The following TTC27 variants were observed in gnomAD, a reference collection of about 807,000 sequenced individuals.
The protein encoded by TTC27 is tetratricopeptide repeat protein 27.
TTC27 carries 79 observed loss-of-function variants against 115.9 expected under a neutral mutation model. The observed-to-expected ratio is 0.68, with a 90% CI of 0.57 to 0.82. TTC27 has a LOEUF of 0.82. Among genes scored for constraint, TTC27 ranks in the 40% least tolerant of loss-of-function variants. The probability of loss-of-function intolerance (pLI) is 0.00; values close to 1 mark genes in which losing one functional copy is unlikely to be tolerated. For missense variants in TTC27, 1,054 were observed against 993.1 expected (o/e 1.06, Z -0.82); for synonymous variants, 401 against 356.0 (o/e 1.13, Z -1.42).
intron 14 of TTC27, among the ~76,000 whole-genome samples, chr2:32,778,671 C>T (rs1670077336): frequency 6.6e-6 from 1 of 152,154 alleles, no homozygotes; most frequent in African/African-American, 2.4e-5. Context: ...TGCTTCAGTA[C>T]TTTGTTCCTT....
At chr2:32,771,836 T>G (rs931510652) in intron 13 of TTC27, among the ~76,000 whole-genome samples, 3 of 152,224 alleles carry the variant, frequency 2.0e-5, no homozygotes, top group Non-Finnish European at 4.4e-5. Flanking sequence ...ATTCAACAAC[T>G]CATCTGTGTT....
intron 13 of TTC27, among the ~76,000 whole-genome samples, 165 bp downstream of exon 13, chr2:32,758,684 G>A (rs1355694823): frequency 5.3e-5 from 8 of 152,020 alleles, no homozygotes; most frequent in African/African-American, 1.9e-4. Flanking sequence ...AAACTTGCTT[G>A]TTGCAAAAAG....
rs1334425047 is a variant in TTC27, at chr2:32,678,851, T to G, written c.1053-5T>G. 2 of 1,604,028 alleles carry G rather than the reference T, an allele frequency of 1.2e-6. No individual in the cohort carries two copies. Among genetic ancestry groups the G allele is most frequent in the East Asian group, 2.2e-5 (1 of 44,762 alleles). ...ATTAATTTACCTTTTTTTCTTAATT[T>G]AAAGCACTAATTTTCAAAAGAATAA... On this transcript the variant is annotated splice_region_variant and splice_polypyrimidine_tract_variant and intron_variant, in intron 8 of 19. Transcript: ENST00000317907.
At chr2:32,683,153 C>A (rs1572511866) in intron 9 of TTC27, among the ~76,000 whole-genome samples, 1 of 151,930 alleles carries the variant, frequency 6.6e-6, no homozygotes, top group African/African-American at 2.4e-5. Flanking sequence ...CTGCACCAGG[C>A]CAATTTTTGT....
chr2:32,778,020 CT>C, intron 14 of TTC27, 40 bp downstream of exon 14: 1 of 1,589,036 alleles, frequency 6.3e-7, no homozygotes, highest in Non-Finnish European at 8.6e-7. Context: ...TGGCTCTTTA[CT>C]CTCTAAGTTG....
intron 6 of TTC27, among the ~76,000 whole-genome samples, chr2:32,665,190 C>T (rs1665726365): frequency 6.6e-6 from 1 of 152,008 alleles, no homozygotes; most frequent in Non-Finnish European, 1.5e-5. Context: ...CAGTAAAATC[C>T]TTCCAATATA....
chr2:32,755,166 C>A (rs1669180511), intron 12 of TTC27, among the ~76,000 whole-genome samples: 1 of 152,164 alleles, frequency 6.6e-6, no homozygotes, highest in South Asian at 2.1e-4. Flanking sequence ...ACGCTCCTCA[C>A]TTCCCAGACG....
intron 16 of TTC27, among the ~76,000 whole-genome samples, chr2:32,795,829 T>C (rs1352087848): frequency 2.0e-5 from 3 of 151,730 alleles, no homozygotes; most frequent in African/African-American, 7.3e-5. Flanking sequence ...TCCACCCACC[T>C]TGACCTTCCA....
At position 32,667,614 on chromosome 2, in the gene TTC27, C is replaced by T. The variant is rs113834851; in HGVS notation, c.939+846C>T. The stretch of plus-strand genomic sequence containing the variant: ...TATTTTTGGTAGAGACAGGGTTTCT[C>T]CATGTTGGTCAGGCTGGTCTCGAAC... On this transcript the variant is annotated intron_variant, in intron 7 of 19. Transcript: ENST00000317907. Among the ~76,000 whole-genome samples, 1,332 of 151,290 alleles carry T rather than the reference C, an allele frequency of 8.8e-3. 14 individuals carry two copies. Among genetic ancestry groups the T allele is most frequent in the Admixed American group, 0.016 (243 of 15,210 alleles).
At chr2:32,780,365 A>G (rs919412199) in intron 14 of TTC27, among the ~76,000 whole-genome samples, 5 of 152,160 alleles carry the variant, frequency 3.3e-5, no homozygotes, top group Non-Finnish European at 7.4e-5. Flanking sequence ...TGTAAGTTTT[A>G]CACCTCTTTT....
At chr2:32,792,502 T>G (rs191256263) in intron 16 of TTC27, among the ~76,000 whole-genome samples, 139 of 152,198 alleles carry the variant, frequency 9.1e-4, no homozygotes, top group African/African-American at 2.9e-3. Flanking sequence ...TTTTTGGTTT[T>G]TTTTTGAAGG....
intron 12 of TTC27, among the ~76,000 whole-genome samples, chr2:32,745,308 C>T (rs1013622290): frequency 4.6e-5 from 7 of 152,094 alleles, no homozygotes; most frequent in African/African-American, 1.7e-4. Flanking sequence ...CTTTTTAGCT[C>T]TCTCCCTGAG....
chr2:32,773,356 C>A (rs1481537203), intron 13 of TTC27, among the ~76,000 whole-genome samples: 1 of 152,182 alleles, frequency 6.6e-6, no homozygotes, highest in Non-Finnish European at 1.5e-5. Flanking sequence ...TTCTTTTGTC[C>A]ACCTGACTAG....
chr2:32,775,492 C>T (rs541537423), intron 13 of TTC27, among the ~76,000 whole-genome samples: 1 of 152,154 alleles, frequency 6.6e-6, no homozygotes, highest in East Asian at 1.9e-4. Context: ...GCCACTTTGC[C>T]CGGCCACACA....
At chr2:32,779,117 G>A (rs999636715) in intron 14 of TTC27, among the ~76,000 whole-genome samples, 18 of 152,204 alleles carry the variant, frequency 1.2e-4, no homozygotes, top group African/African-American at 4.1e-4. Flanking sequence ...CAGCTACTCA[G>A]GAGGCTGAGG....
At chr2:32,799,166 T>A (rs1207740477) in intron 16 of TTC27, among the ~76,000 whole-genome samples, 5 of 152,140 alleles carry the variant, frequency 3.3e-5, no homozygotes. Flanking sequence ...TCCACTTACA[T>A]GAAGTACTTA....
chr2:32,715,533 T>C (rs2151907519), intron 10 of TTC27, among the ~76,000 whole-genome samples: 1 of 152,302 alleles, frequency 6.6e-6, no homozygotes, highest in East Asian at 1.9e-4. Context: ...GAACATCTGT[T>C]CTCGATACTG....
At chr2:32,754,158 T>G (rs1669120440) in intron 12 of TTC27, among the ~76,000 whole-genome samples, 1 of 151,920 alleles carries the variant, frequency 6.6e-6, no homozygotes, top group African/African-American at 2.4e-5. Flanking sequence ...TTTTTTTTTT[T>G]TTTTAATTGA....
intron 12 of TTC27, 126 bp from the exon 13 acceptor site, chr2:32,758,166 A>G (rs1390276222): frequency 2.5e-6 from 2 of 814,332 alleles, no homozygotes; most frequent in Non-Finnish European, 3.8e-6. Flanking sequence ...TTGATAGGTC[A>G]AATAAGAAAT....
Sources: gnomAD v4.1 joint callset for allele counts (sites outside exome capture counted in the v4.1 genomes callset) on GRCh38, gnomAD v4.1.1 for gene constraint, MANE v1.5 for transcripts, NCBI Gene and HGNC (gene_info 2026-07-23, HGNC 2026-07-21) for gene names.